The following DNAI3 variants were observed in gnomAD, a reference collection of about 807,000 sequenced individuals.
The protein encoded by DNAI3 is WD repeat domain 63.
In DNAI3, 83 loss-of-function variants were observed where a neutral mutation model predicts 115.5. The ratio of observed to expected loss-of-function variants is 0.72; its 90% confidence interval spans 0.60 to 0.86. The LOEUF is 0.86. Ranked by LOEUF, DNAI3 falls within the 40% of genes least tolerant of loss-of-function variation. DNAI3 has a pLI of 0.00. For missense variants in DNAI3, 1,004 were observed against 1,075.8 expected, an observed-to-expected ratio of 0.93 and a Z score of 0.93; for synonymous variants, 320 against 347.0, an observed-to-expected ratio of 0.92 and a Z score of 0.86.
At chr1:85,075,075 G>A (rs947940571) in intron 3 of DNAI3, among the ~76,000 whole-genome samples, 5 of 151,522 alleles carry the variant, frequency 3.3e-5, no homozygotes, top group Admixed American at 2.6e-4. Flanking sequence ...TTCTTTTTTT[G>A]TAGAGATGGG....
At chr1:85,097,805 G>A in intron 12 of DNAI3, 150 bp downstream of exon 12, 2 of 709,908 alleles carry the variant, frequency 2.8e-6, no homozygotes, top group South Asian at 2.3e-5. Context: ...ACCTGTGCTT[G>A]TGAACATGTT....
chr1:85,080,596 AG>A (rs1654610137), intron 3 of DNAI3, among the ~76,000 whole-genome samples: 2 of 152,220 alleles, frequency 1.3e-5, no homozygotes, highest in African/African-American at 4.8e-5. Context: ...ACCTGGTAAG[AG>A]AGAGCAGCAG....
intron 13 of DNAI3, among the ~76,000 whole-genome samples, chr1:85,102,394 T>C (rs1410038154): frequency 1.3e-5 from 2 of 151,870 alleles, no homozygotes; most frequent in East Asian, 3.9e-4. Flanking sequence ...TGGAGGAAAA[T>C]ATTTGTACCA....
chr1:85,097,147 T>C (rs962885437), intron 11 of DNAI3, among the ~76,000 whole-genome samples: 1 of 152,074 alleles, frequency 6.6e-6, no homozygotes, highest in African/African-American at 2.4e-5. Flanking sequence ...GTCAATTAAA[T>C]AGAAATAATC....
At chr1:85,083,103 A>T (rs1416631830) in intron 5 of DNAI3, among the ~76,000 whole-genome samples, 1 of 152,146 alleles carries the variant, frequency 6.6e-6, no homozygotes. Flanking sequence ...GAAGGAAGCA[A>T]TTTGGGAGGT....
chr1:85,104,295 T>G (rs999781169), intron 13 of DNAI3, among the ~76,000 whole-genome samples: 1 of 152,114 alleles, frequency 6.6e-6, no homozygotes, highest in Non-Finnish European at 1.5e-5. Context: ...TAATTTTTTG[T>G]ATTTTTAGTA....
chr1:85,104,118 TC>T (rs1655412666), intron 13 of DNAI3, among the ~76,000 whole-genome samples: 1 of 149,794 alleles, frequency 6.7e-6, no homozygotes, highest in Non-Finnish European at 1.5e-5. Flanking sequence ...TAGTGGTATG[TC>T]CTTTTTTTTT....
In DNAI3 at chr1:85,130,103, GA is replaced by G; in HGVS notation, c.2529del (p.Val844LeufsTer15). On this transcript the variant is annotated frameshift_variant, in exon 22 of 23. Transcript: ENST00000294664. LOFTEE classifies it low-confidence loss of function (END_TRUNC). Reference protein sequence around the residue: ...KKEMELEMAKKKVKTYQKSKE... With the variant: ...KKEMELEMAKXKVKTYQKSKE... ...AAGAAATGGAACTAGAAATGGCAAA[GA>G]AAAAAGTTGTAAGTTAAATTTCAGA... 1 of 1,613,184 alleles carries G rather than the reference GA, an allele frequency of 6.2e-7. No homozygotes were observed. Among genetic ancestry groups the G allele is most frequent in the East Asian group, 2.2e-5 (1 of 44,848 alleles).
rs1013766836 is a variant in DNAI3 at position 85,117,689 on chromosome 1, C to T, written c.1787-40C>T. 7.5e-6 allele frequency: 12 copies of T among 1,600,894 alleles called. No individual in the cohort carries two copies. In the African/African-American group the frequency reaches 1.3e-4, roughly 18 times the overall value. ...TGTCTATATTTTAAAAGATGTTTCC[C>T]TGTAAATATGTACTTCTTCTACCCA... On this transcript the variant is annotated intron_variant, in intron 16 of 22. Coordinates refer to ENST00000294664, the MANE Select transcript of DNAI3 (RefSeq NM_145172.5).
chr1:85,101,393 A>T (rs1211780409), intron 13 of DNAI3, among the ~76,000 whole-genome samples: 1 of 152,148 alleles, frequency 6.6e-6, no homozygotes, highest in Non-Finnish European at 1.5e-5. Context: ...AACACACACC[A>T]TGCATGCAAT....
intron 4 of DNAI3, 75 bp from the exon 5 acceptor site, chr1:85,082,225 G>T: frequency 8.4e-7 from 1 of 1,193,872 alleles, no homozygotes; most frequent in Non-Finnish European, 1.2e-6. Flanking sequence ...AGCGAAATGT[G>T]AATTTTGTGT....
At chr1:85,120,414 T>G (rs1202702074) in intron 17 of DNAI3, among the ~76,000 whole-genome samples, 1 of 152,142 alleles carries the variant, frequency 6.6e-6, no homozygotes, top group Non-Finnish European at 1.5e-5. Context: ...GTCAGAGAAG[T>G]GGAGTTGGGT....
rs1430808910 is a variant in DNAI3 at position 85,093,495 on chromosome 1, A to T, written c.895A>T (p.Thr299Ser). ...CCTGCAGCAAAATGAAATCATGAAC[A>T]CATTTATTGATGACTGGAAATACCT... ...IALQQNEIMNTFIDDWKYLAE... is the reference protein window; with the variant it reads ...IALQQNEIMNSFIDDWKYLAE... Residue 299 changes from threonine (T) to serine (S), a missense_variant, in exon 9 of 23, where the codon ACA becomes TCA. Transcript: ENST00000294664. The T allele has an allele frequency of 1.2e-6, 2 of 1,614,158 alleles. No individual in the cohort carries two copies. Among genetic ancestry groups the T allele is most frequent in the Non-Finnish European group, 1.7e-6 (2 of 1,180,034 alleles).
intron 21 of DNAI3, among the ~76,000 whole-genome samples, chr1:85,129,452 TATTCTATGCCTACACTCGAAGCCCTCCAG>T (rs6143311): frequency 0.62 from 94,280 of 151,962 alleles, 30,514 homozygotes; most frequent in South Asian, 0.82. Context: ...TTCCTGCTTC[TATTCTATGCCTACACTCGAAGCCCTCCAG>T]GGACCAGGAA....
intron 16 of DNAI3, among the ~76,000 whole-genome samples, chr1:85,115,645 A>G (rs763924748): frequency 7.0e-6 from 1 of 143,674 alleles, no homozygotes; most frequent in Admixed American, 6.9e-5. Context: ...GCCTTCCCCA[A>G]CCTTTTTTGC....
chr1:85,078,152 G>A (rs1379513243), intron 3 of DNAI3, among the ~76,000 whole-genome samples: 1 of 152,132 alleles, frequency 6.6e-6, no homozygotes, highest in Admixed American at 6.6e-5. Context: ...GATCTTCTGT[G>A]TCCACTCATT....
intron 17 of DNAI3, among the ~76,000 whole-genome samples, chr1:85,119,316 G>T (rs1056973193): frequency 6.6e-6 from 1 of 152,076 alleles, no homozygotes; most frequent in Non-Finnish European, 1.5e-5. Context: ...GCGTCTGTAC[G>T]CACTAAACAC....
rs138982583 is a variant in DNAI3, at chr1:85,093,963, A to G, written c.1048+315A>G. ...TGGGCTTGGGCCTGTTGCTCTCCCAAGGCTAAATTTCTTCCTCCTAACACT... is the reference window on the plus strand; with the variant it reads ...TGGGCTTGGGCCTGTTGCTCTCCCAGGGCTAAATTTCTTCCTCCTAACACT... On this transcript the variant is annotated intron_variant, in intron 9 of 22. Transcript: ENST00000294664. 778 of 516,804 alleles carry G rather than the reference A, an allele frequency of 1.5e-3. 4 individuals carry two copies. The highest frequency in any genetic ancestry group is 0.013 in the African/African-American group (702 of 52,904). The allele number at this position is 516,804 out of a possible 1,614,324, so 32.0% of individuals were successfully genotyped here.
Position 85,133,133 on chromosome 1 carries a change from A to C in DNAI3, c.*135A>C, listed in dbSNP as rs1656393711. On this transcript the variant is annotated 3_prime_UTR_variant, in exon 23 of 23. Coordinates refer to ENST00000294664, the MANE Select transcript of DNAI3 (RefSeq NM_145172.5). ...ATTTCCCTGCTATTAAAACTTTTGA[A>C]TTTTAGCAATGAGATCTATTTCAGT... 3 of 1,038,904 alleles carry C rather than the reference A, an allele frequency of 2.9e-6. No homozygotes were observed. The highest frequency in any genetic ancestry group is 3.9e-6 in the Non-Finnish European group (3 of 769,894). 64.4% of individuals were successfully genotyped at this position (1,038,904 alleles called of 1,614,324 possible).
Sources: allele counts gnomAD v4.1 joint callset (sites outside exome capture counted in the v4.1 genomes callset), GRCh38; gene constraint gnomAD v4.1.1; transcripts MANE v1.5; gene names NCBI Gene and HGNC (gene_info 2026-07-23, HGNC 2026-07-21).